REEP3: variants seen among roughly 807,000 people sequenced by gnomAD.
REEP3 encodes receptor expression-enhancing protein 3.
In REEP3, 20 loss-of-function variants were observed where a neutral mutation model predicts 41.3. The ratio of observed to expected loss-of-function variants is 0.48; its 90% CI spans 0.34 to 0.70. The LOEUF is 0.70. REEP3 is among the 30% of genes least tolerant of loss of function. REEP3 has a pLI of 0.01. For synonymous variants in REEP3, 104 were observed against 101.8 expected (o/e 1.02, Z -0.13); for missense variants, 271 against 308.8 (o/e 0.88, Z 0.92).
chr10:63,523,577 A>G (rs887589839), intron 1 of REEP3, among the ~76,000 whole-genome samples: 1 of 152,204 alleles, frequency 6.6e-6, no homozygotes, highest in Non-Finnish European at 1.5e-5. Context: ...TCAAGGCTGC[A>G]GTGAGCCGTG....
In REEP3 at chr10:63,542,864, C is replaced by T. The variant is rs530864649; in HGVS notation, c.32+21287C>T. On this transcript the variant is annotated intron_variant, in intron 1 of 7. Transcript: ENST00000373758. ...AATTCTAACATGTCTAACTTAGGTA[C>T]GACCTCAGCTCTTTACTATGTCTCT... Among the ~76,000 whole-genome samples, 4 of 152,264 alleles carry T rather than the reference C, an allele frequency of 2.6e-5. No homozygotes were observed. In the East Asian group the frequency reaches 5.8e-4, roughly 22 times the overall value.
At chr10:63,605,247 C>A (rs1271992417) in intron 5 of REEP3, among the ~76,000 whole-genome samples, 2 of 152,126 alleles carry the variant, frequency 1.3e-5, no homozygotes, top group Non-Finnish European at 2.9e-5. Flanking sequence ...TATCAATGTT[C>A]TTCAGTAAAT....
intron 1 of REEP3, among the ~76,000 whole-genome samples, chr10:63,536,864 G>A (rs1029340341): frequency 6.6e-6 from 1 of 152,132 alleles, no homozygotes; most frequent in Admixed American, 6.5e-5. Context: ...CCAAGTGTTG[G>A]CAAAGATGTG....
chr10:63,556,019 C>A (rs60022650), intron 1 of REEP3, among the ~76,000 whole-genome samples: 3,684 of 152,108 alleles, frequency 0.024, 106 homozygotes, highest in Middle Eastern at 0.068. Flanking sequence ...TTATGAAGTT[C>A]CTAAGAAACA....
At chr10:63,563,053 G>A in intron 1 of REEP3, 2 of 454,364 alleles carry the variant, frequency 4.4e-6, no homozygotes, top group South Asian at 3.1e-5. Context: ...TGAGGACACA[G>A]CTAGAAGGCT....
intron 1 of REEP3, among the ~76,000 whole-genome samples, chr10:63,555,692 C>T (rs1238387436): frequency 6.6e-6 from 1 of 152,156 alleles, no homozygotes; most frequent in Non-Finnish European, 1.5e-5. Context: ...TTTAAAAAAT[C>T]CAGTTAACCA....
chr10:63,538,835 T>A (rs1955500001), intron 1 of REEP3, among the ~76,000 whole-genome samples: 1 of 152,212 alleles, frequency 6.6e-6, no homozygotes, highest in South Asian at 2.1e-4. Flanking sequence ...GTGGGGGTGA[T>A]CTGGCTAAGA....
At chr10:63,579,043 G>T (rs574760176) in intron 2 of REEP3, among the ~76,000 whole-genome samples, 28 of 144,316 alleles carry the variant, frequency 1.9e-4, no homozygotes, top group South Asian at 6.7e-4. Flanking sequence ...TTTTTTTTTG[G>T]GGGGGGGGAG....
intron 2 of REEP3, among the ~76,000 whole-genome samples, chr10:63,591,023 A>G (rs938751994): frequency 5.9e-5 from 9 of 151,988 alleles, no homozygotes; most frequent in African/African-American, 2.2e-4. Context: ...GTTTCCTTTC[A>G]ATTTTTTGGT....
At chr10:63,536,489 A>C (rs551866967) in intron 1 of REEP3, among the ~76,000 whole-genome samples, 3 of 152,212 alleles carry the variant, frequency 2.0e-5, no homozygotes, top group Non-Finnish European at 4.4e-5. Flanking sequence ...TTAGAAACTC[A>C]TATTGCTGTT....
At chr10:63,534,763 A>G (rs1376275038) in intron 1 of REEP3, among the ~76,000 whole-genome samples, 3 of 152,236 alleles carry the variant, frequency 2.0e-5, no homozygotes, top group Non-Finnish European at 4.4e-5. Flanking sequence ...TTTAAAAGTA[A>G]TGGTTACAAT....
rs1004089432 is a variant in REEP3, at chr10:63,603,089, G to A, written c.417+3806G>A. Among the ~76,000 whole-genome samples, 17 of 151,058 alleles carry A rather than the reference G, an allele frequency of 1.1e-4. No homozygotes were observed. In the East Asian group the frequency reaches 2.2e-3, roughly 19 times the overall value. ...AGCACTTTGGGAGGCTGAGGCGGGC[G>A]GATCACAAGGTCAGGAGATTGAGAC... On this transcript the variant is annotated intron_variant, in intron 5 of 7. Coordinates refer to ENST00000373758, the MANE Select transcript of REEP3 (RefSeq NM_001001330.3).
At chr10:63,606,011 A>T (rs1393018455) in intron 5 of REEP3, 1 of 408,280 alleles carries the variant, frequency 2.4e-6, no homozygotes, top group Non-Finnish European at 3.3e-6. Context: ...AGTTCTGCTC[A>T]CGATGATCAG....
intron 1 of REEP3, chr10:63,521,798 G>C (rs1589851663): frequency 3.3e-6 from 1 of 304,910 alleles, no homozygotes; most frequent in African/African-American, 2.2e-5. Flanking sequence ...CGGCGACTGC[G>C]GCTGCGACGG....
chr10:63,585,206 G>T (rs542395910), intron 2 of REEP3, among the ~76,000 whole-genome samples: 1 of 152,118 alleles, frequency 6.6e-6, no homozygotes, highest in South Asian at 2.1e-4. Flanking sequence ...CCAGGCACAG[G>T]GTGCTAGGTA....
chr10:63,562,606 T>G, intron 1 of REEP3: 1 of 456,326 alleles, frequency 2.2e-6, no homozygotes, highest in South Asian at 1.5e-5. Flanking sequence ...AAGTATAAAA[T>G]CCCCAGCAAG....
At chr10:63,531,005 G>A (rs774434956) in intron 1 of REEP3, among the ~76,000 whole-genome samples, 10 of 152,140 alleles carry the variant, frequency 6.6e-5, no homozygotes, top group Non-Finnish European at 1.2e-4. Flanking sequence ...AAAACTAACT[G>A]TTAAGGGTTT....
intron 2 of REEP3, among the ~76,000 whole-genome samples, chr10:63,567,231 AATT>A (rs56070016): frequency 0.45 from 68,684 of 151,664 alleles, 16,061 homozygotes; most frequent in South Asian, 0.54. Flanking sequence ...CATAACATAA[AATT>A]ATCCATTTCA....
chr10:63,540,853 T>C (rs1358198475), intron 1 of REEP3, among the ~76,000 whole-genome samples: 1 of 152,212 alleles, frequency 6.6e-6, no homozygotes, highest in Admixed American at 6.5e-5. Flanking sequence ...CCCAAAGTGC[T>C]GAGACAACAG....
Sources: allele counts gnomAD v4.1 joint callset (sites outside exome capture counted in the v4.1 genomes callset), GRCh38; gene constraint gnomAD v4.1.1; transcripts MANE v1.5; gene names NCBI Gene and HGNC (gene_info 2026-07-23, HGNC 2026-07-21).